The following RASAL2 variants were observed in gnomAD, a reference collection of about 807,000 sequenced individuals.
RASAL2 encodes ras GTPase-activating protein nGAP.
Under a neutral mutation model 128.9 loss-of-function variants are expected in RASAL2, and 58 were observed. That is an observed-to-expected ratio of 0.45 (90% CI 0.36 to 0.56). The LOEUF (loss-of-function observed/expected upper bound fraction) is 0.56, where lower values mean the gene tolerates loss of function less well. RASAL2 is among the 20% of genes least tolerant of loss of function. The pLI is 0.00. For missense variants in RASAL2, 1,360 were observed against 1,601.6 expected, an observed-to-expected ratio of 0.85 and a Z score of 2.57; for synonymous variants, 561 against 580.8, an observed-to-expected ratio of 0.97 and a Z score of 0.49.
intron 1 of RASAL2, among the ~76,000 whole-genome samples, chr1:178,272,284 T>C (rs1666296968): frequency 6.6e-6 from 1 of 152,112 alleles, no homozygotes; most frequent in Non-Finnish European, 1.5e-5. Flanking sequence ...TAGAAAAAAA[T>C]CCCGGACTAT....
chr1:178,156,071 A>T (rs915979141), intron 1 of RASAL2, among the ~76,000 whole-genome samples: 9 of 152,238 alleles, frequency 5.9e-5, no homozygotes, highest in African/African-American at 1.9e-4. Context: ...TTTACTGCAC[A>T]GCTGGGAGCT....
In RASAL2 at chr1:178,102,177, C is replaced by A. The variant is rs541703849; in HGVS notation, c.202+7483C>A. On this transcript the variant is annotated intron_variant, in intron 1 of 17. Coordinates refer to ENST00000367649, the MANE Select transcript of RASAL2 (RefSeq NM_170692.4). ...TTGTACCTTCCACTTGAATTTCTAA[C>A]CTCTGATTCCTGTCATTAAAAATTA... 4.6e-5 allele frequency among the ~76,000 whole-genome samples: 7 copies of A among 152,206 alleles called. No homozygotes were observed. The South Asian group carries it at 1.5e-3, about 32-fold the overall frequency.
intron 4 of RASAL2, among the ~76,000 whole-genome samples, chr1:178,392,834 A>C (rs1214369568): frequency 6.6e-6 from 1 of 152,212 alleles, no homozygotes; most frequent in Non-Finnish European, 1.5e-5. Flanking sequence ...ATGCCAAGTT[A>C]GGCAGAAAGA....
chr1:178,231,057 G>C (rs780466058), intron 1 of RASAL2, among the ~76,000 whole-genome samples: 1 of 152,124 alleles, frequency 6.6e-6, no homozygotes, highest in Non-Finnish European at 1.5e-5. Context: ...CATTCACCCA[G>C]TTCCTGAGAT....
rs139850314 is a variant in RASAL2 at position 178,198,993 on chromosome 1, C to T, written c.203-84571C>T. Among the ~76,000 whole-genome samples the T allele has an allele frequency of 8.2e-3, 1,243 of 152,278 alleles. 11 individuals carry two copies. Among genetic ancestry groups the T allele is most frequent in the Non-Finnish European group, 0.013 (868 of 68,012 alleles). ...CTCCACCCAGTTCAAGGTTCCTGGCCGCTTTGTTTACCTACTCAAGTAATG... is the reference window on the plus strand; with the variant it reads ...CTCCACCCAGTTCAAGGTTCCTGGCTGCTTTGTTTACCTACTCAAGTAATG... On this transcript the variant is annotated intron_variant, in intron 1 of 17. Transcript: ENST00000367649.
At chr1:178,160,890 A>G (rs1361692086) in intron 1 of RASAL2, among the ~76,000 whole-genome samples, 3 of 152,208 alleles carry the variant, frequency 2.0e-5, no homozygotes, top group Non-Finnish European at 4.4e-5. Flanking sequence ...AAGTATGCTC[A>G]TCACTCAGAA....
rs1207143485 is a variant in RASAL2, at chr1:178,317,260, G to T, written c.457+17142G>T. ...ATATTGGTCTAAAATTCTCTTTTTT[G>T]GTTGTGTCTCTGCCCGGCTTTGGTA... On this transcript the variant is annotated intron_variant, in intron 3 of 17. Transcript: ENST00000367649. Among the ~76,000 whole-genome samples, 2 of 139,788 alleles carry T rather than the reference G, an allele frequency of 1.4e-5. 1 individual carries two copies. Among genetic ancestry groups the T allele is most frequent in the Non-Finnish European group, 3.0e-5 (2 of 66,064 alleles). 91.7% of individuals were successfully genotyped at this position (139,788 alleles called of 152,430 possible).
intron 1 of RASAL2, among the ~76,000 whole-genome samples, chr1:178,126,651 G>A (rs900691794): frequency 1.6e-4 from 25 of 152,202 alleles, no homozygotes; most frequent in African/African-American, 5.3e-4. Flanking sequence ...GCTCAAGAGT[G>A]AGTACACTTT....
intron 3 of RASAL2, among the ~76,000 whole-genome samples, chr1:178,311,241 T>TACACACAAACACACACACACACAC (rs1668229946): frequency 1.4e-5 from 1 of 73,670 alleles, no homozygotes; most frequent in African/African-American, 6.3e-5. Context: ...AAAACAGCCA[T>TACACACAAACACACACACACACAC]ACACACACAC....
rs1385168909 is a variant in RASAL2 at position 178,411,824 on chromosome 1, G to T, written c.565-8687G>T. The stretch of plus-strand genomic sequence containing the variant: ...GTGGCCCAGAGGTGCAAGGAGCCAG[G>T]TATCACTGCCCTACACGTCAAACTC... On this transcript the variant is annotated intron_variant, in intron 4 of 17. Transcript: ENST00000367649. 5.2e-6 allele frequency: 4 copies of T among 767,340 alleles called. No individual in the cohort carries two copies. In the South Asian group the frequency reaches 5.4e-5, roughly 10 times the overall value. 47.5% of individuals were successfully genotyped at this position (767,340 alleles called of 1,614,324 possible).
chr1:178,118,920 T>C lies in RASAL2; in HGVS notation c.202+24226T>C, dbSNP rs538059693. Among the ~76,000 whole-genome samples the C allele has an allele frequency of 7.9e-5, 12 of 152,220 alleles. No homozygotes were observed. The East Asian group carries it at 2.3e-3, about 29-fold the overall frequency. Reference sequence around the variant, plus strand: ...TTCGCTCTTGTTGCCCAGGCTGCAGTGCAGTGGTGTGATCTTGGCTCACTG... The same window carrying C: ...TTCGCTCTTGTTGCCCAGGCTGCAGCGCAGTGGTGTGATCTTGGCTCACTG... On this transcript the variant is annotated intron_variant, in intron 1 of 17. Transcript: ENST00000367649.
chr1:178,449,685 C>T (rs759576982), intron 9 of RASAL2, among the ~76,000 whole-genome samples: 1 of 151,952 alleles, frequency 6.6e-6, no homozygotes, highest in Non-Finnish European at 1.5e-5. Context: ...TCTGCATGCT[C>T]AAACATTGGT....
chr1:178,129,815 A>G (rs1441485098), intron 1 of RASAL2, among the ~76,000 whole-genome samples: 1 of 152,186 alleles, frequency 6.6e-6, no homozygotes, highest in Non-Finnish European at 1.5e-5. Context: ...TTATCCTGAC[A>G]TCATTGTTAG....
chr1:178,276,283 A>G (rs1343897443), intron 1 of RASAL2, among the ~76,000 whole-genome samples: 2 of 152,192 alleles, frequency 1.3e-5, no homozygotes, highest in Non-Finnish European at 2.9e-5. Context: ...ACATTTTGAC[A>G]GAATATAGAG....
chr1:178,219,020 G>A (rs1663526135), intron 1 of RASAL2, among the ~76,000 whole-genome samples: 1 of 152,196 alleles, frequency 6.6e-6, no homozygotes, highest in Non-Finnish European at 1.5e-5. Flanking sequence ...TGTTCTTAGT[G>A]TTCATCAATG....
chr1:178,280,379 T>G (rs538292201), intron 1 of RASAL2, among the ~76,000 whole-genome samples: 1 of 152,092 alleles, frequency 6.6e-6, no homozygotes. Context: ...CAGTTACATT[T>G]CATTAAAAAT....
intron 3 of RASAL2, chr1:178,341,330 AG>A (rs1289264954): frequency 5.8e-6 from 5 of 867,310 alleles, no homozygotes; most frequent in Non-Finnish European, 7.7e-6. Flanking sequence ...TGTGAAAGAA[AG>A]CCCAGTGAGT....
intron 3 of RASAL2, among the ~76,000 whole-genome samples, chr1:178,377,565 ATGTC>A (rs1672056851): frequency 2.0e-5 from 3 of 152,200 alleles, no homozygotes; most frequent in Non-Finnish European, 4.4e-5. Context: ...TGAAAGGCCT[ATGTC>A]ATTCTTCCCC....
intron 1 of RASAL2, among the ~76,000 whole-genome samples, chr1:178,152,841 C>A (rs1254577448): frequency 6.6e-6 from 1 of 152,126 alleles, no homozygotes; most frequent in African/African-American, 2.4e-5. Flanking sequence ...CAGTCACACC[C>A]TTTCAGATTA....
Sources: allele counts gnomAD v4.1 joint callset (sites outside exome capture counted in the v4.1 genomes callset), GRCh38; gene constraint gnomAD v4.1.1; transcripts MANE v1.5; gene names NCBI Gene and HGNC (gene_info 2026-07-23, HGNC 2026-07-21).